The following ZBTB10 variants were observed in gnomAD, a reference collection of about 807,000 sequenced individuals.
ZBTB10 encodes the protein zinc finger and BTB domain-containing protein 10.
ZBTB10 carries 32 observed loss-of-function variants against 76.4 expected under a neutral mutation model. That is an observed-to-expected ratio of 0.42 (90% CI 0.32 to 0.56). ZBTB10 has a LOEUF of 0.56. Among genes scored for constraint, ZBTB10 ranks in the 20% least tolerant of loss-of-function variants. The pLI is 0.14. For synonymous variants in ZBTB10, 523 were observed against 432.9 expected, an observed-to-expected ratio of 1.21 and a Z score of -2.58; for missense variants, 1,057 against 1,098.5, an observed-to-expected ratio of 0.96 and a Z score of 0.53.
intron 3 of ZBTB10, 52 bp downstream of exon 3, chr8:80,514,060 C>A (rs1404057090): frequency 7.7e-7 from 1 of 1,302,040 alleles, no homozygotes; most frequent in Non-Finnish European, 1.1e-6. Context: ...GGAAGTGTTA[C>A]ATCTTACCTG....
At chr8:80,519,119 T>G in intron 5 of ZBTB10, 104 bp from the exon 6 acceptor site, 2 of 1,409,336 alleles carry the variant, frequency 1.4e-6, no homozygotes, top group Non-Finnish European at 1.9e-6. Context: ...ACAGAGAAAC[T>G]GGTGTATTCA....
In ZBTB10 at chr8:80,486,980, C is replaced by A. The variant is rs1164746874; in HGVS notation, c.170C>A (p.Pro57Gln). The change falls in exon 1 of 6, where the codon CCG becomes CAG. Residue 57 changes from proline to glutamine, a missense_variant. Pro to Gln is a moderately conservative substitution (Grantham distance 76). Transcript: ENST00000455036. ...CCGCCAGCGCCGCCCGCGCTTCAGC[C>A]GCCTAATGGGCGGGGGGCCGACGAG... ...PPPPAPPALQ[P>Q]PNGRGADEEV... 9 of 1,513,018 alleles carry A rather than the reference C, an allele frequency of 5.9e-6. No homozygotes were observed. The highest frequency in any genetic ancestry group is 7.9e-6 in the Non-Finnish European group (9 of 1,135,618). 93.7% of individuals were successfully genotyped at this position (1,513,018 alleles called of 1,614,324 possible). A position where few individuals can be genotyped will look rare whatever the true frequency, so the allele number is the denominator to read the frequency against.
At chr8:80,503,052 G>A (rs1272955877) in intron 2 of ZBTB10, among the ~76,000 whole-genome samples, 1 of 152,110 alleles carries the variant, frequency 6.6e-6, no homozygotes, top group East Asian at 1.9e-4. Flanking sequence ...GCTGAGATCA[G>A]CAAATATTAC....
At position 80,519,578 on chromosome 8, in the gene ZBTB10, C is replaced by G. The variant is rs201660957; in HGVS notation, c.*50C>G. On this transcript the variant is annotated 3_prime_UTR_variant, in exon 6 of 6. Coordinates refer to ENST00000455036, the MANE Select transcript of ZBTB10 (RefSeq NM_001105539.3). The stretch of plus-strand genomic sequence containing the variant: ...TGCTGCATTTGGACCTAATATGAAT[C>G]GACAATTTGGATTGTTGAACTTGAA... 36 of 1,508,546 alleles carry G rather than the reference C, an allele frequency of 2.4e-5. No homozygotes were observed. In the East Asian group the frequency reaches 8.0e-4, roughly 34 times the overall value. The allele number at this position is 1,508,546 out of a possible 1,614,324, so 93.4% of individuals were successfully genotyped here.
At chr8:80,518,608 G>T in intron 4 of ZBTB10, 29 bp downstream of exon 4, 4 of 1,524,950 alleles carry the variant, frequency 2.6e-6, no homozygotes, top group Non-Finnish European at 3.5e-6. Flanking sequence ...AACAAATACA[G>T]AATTAATTAA....
chr8:80,490,914 T>C (rs763036078), intron 1 of ZBTB10, among the ~76,000 whole-genome samples: 7 of 152,184 alleles, frequency 4.6e-5, no homozygotes, highest in Non-Finnish European at 1.0e-4. Flanking sequence ...TATCGCCTGG[T>C]GATAGCGTAA....
At chr8:80,512,297 A>G (rs1816214167) in intron 2 of ZBTB10, among the ~76,000 whole-genome samples, 1 of 152,226 alleles carries the variant, frequency 6.6e-6, no homozygotes, top group African/African-American at 2.4e-5. Context: ...TTAAGTACCC[A>G]GACCCGTGCT....
intron 3 of ZBTB10, among the ~76,000 whole-genome samples, chr8:80,517,078 A>G (rs1449246724): frequency 5.9e-5 from 9 of 152,206 alleles, no homozygotes; most frequent in Admixed American, 3.9e-4. Flanking sequence ...GTTGGAAGCC[A>G]GGGCTCCACC....
Position 80,520,283 on chromosome 8 carries a change from AAATGATT to A in ZBTB10, c.*757_*763del, listed in dbSNP as rs1262445952. The stretch of plus-strand genomic sequence containing the variant: ...GTGGCGAAGTTGACAAATACCACTA[AAATGATT>A]ATGATTTAGAAGTAACTTTCTTCTG... On this transcript the variant is annotated 3_prime_UTR_variant, in exon 6 of 6. Coordinates refer to ENST00000455036, the MANE Select transcript of ZBTB10 (RefSeq NM_001105539.3). 4 of 152,506 alleles carry A rather than the reference AAATGATT, an allele frequency of 2.6e-5. No homozygotes were observed. The highest frequency in any genetic ancestry group is 9.7e-5 in the African/African-American group (4 of 41,440). 9.4% of individuals were successfully genotyped at this position (152,506 alleles called of 1,614,324 possible). A position where few individuals can be genotyped will look rare whatever the true frequency, so the allele number is the denominator to read the frequency against.
rs748451601 is a variant in ZBTB10 at position 80,499,744 on chromosome 8, A to G, written c.1223A>G (p.His408Arg). The change falls in exon 2 of 6, where the codon CAC (histidine) becomes CGC (arginine). Residue 408 changes from histidine (H) to arginine (R), a missense_variant. This residue lies in a region of ZBTB10 where 86 missense variants were observed against 145.7 expected (regional missense o/e 0.59). Transcript: ENST00000455036. ...AGCCCTAACCAAAACAATACTACCC[A>G]CTTAGATATTGCTGCAGTTCAAGGT... ...KESPNQNNTT[H>R]LDIAAVQGFS... is the part of the protein sequence containing the mutation. 2.5e-6 allele frequency: 4 copies of G among 1,613,820 alleles called. No individual in the cohort carries two copies. Among genetic ancestry groups the G allele is most frequent in the Non-Finnish European group, 3.4e-6 (4 of 1,179,874 alleles).
At chr8:80,508,098 C>T (rs1427485978) in intron 2 of ZBTB10, among the ~76,000 whole-genome samples, 2 of 152,142 alleles carry the variant, frequency 1.3e-5, no homozygotes, top group Non-Finnish European at 2.9e-5. Flanking sequence ...CAAGAAGTGG[C>T]TACACTGTTG....
chr8:80,486,786 G>A lies in ZBTB10; in HGVS notation c.-25G>A. ...AGGCCGTGCGCGAGCCGGGGCACCG[G>A]GCGGCGGCGGCGGCGGCGCGCGCCA... On this transcript the variant is annotated 5_prime_UTR_variant, in exon 1 of 6. Transcript: ENST00000455036. 2 of 1,316,568 alleles carry A rather than the reference G, an allele frequency of 1.5e-6. No individual in the cohort carries two copies. The highest frequency in any genetic ancestry group is 9.7e-7 in the Non-Finnish European group (1 of 1,033,274). 81.6% of individuals were successfully genotyped at this position (1,316,568 alleles called of 1,614,324 possible).
intron 2 of ZBTB10, 101 bp from the exon 3 acceptor site, chr8:80,513,809 A>G (rs183168309): frequency 2.2e-6 from 2 of 890,596 alleles, no homozygotes; most frequent in African/African-American, 1.7e-5. Flanking sequence ...TTACTTACAG[A>G]TGGTACTTTT....
At chr8:80,505,939 TAAGTA>T in intron 2 of ZBTB10, among the ~76,000 whole-genome samples, 1 of 140,516 alleles carries the variant, frequency 7.1e-6, no homozygotes, top group Non-Finnish European at 1.5e-5. Context: ...TTTTTTTTTT[TAAGTA>T]AAGGTGAAGT....
At position 80,486,754 on chromosome 8, in the gene ZBTB10, C is replaced by T. The variant is rs1375761271; in HGVS notation, c.-57C>T. 6 of 1,089,532 alleles carry T rather than the reference C, an allele frequency of 5.5e-6. No homozygotes were observed. Among genetic ancestry groups the T allele is most frequent in the Non-Finnish European group, 6.7e-6 (6 of 896,984 alleles). 67.5% of individuals were successfully genotyped at this position (1,089,532 alleles called of 1,614,324 possible). A position where few individuals can be genotyped will look rare whatever the true frequency, so the allele number is the denominator to read the frequency against. Reference sequence around the variant, plus strand: ...GGAGCCGCGGGGAGCGCGCGGGACGCGGCCCGAGGCCGTGCGCGAGCCGGG... The same window carrying T: ...GGAGCCGCGGGGAGCGCGCGGGACGTGGCCCGAGGCCGTGCGCGAGCCGGG... On this transcript the variant is annotated 5_prime_UTR_variant, in exon 1 of 6. Transcript: ENST00000455036.
chr8:80,492,280 T>C (rs1815651179), intron 1 of ZBTB10, among the ~76,000 whole-genome samples: 2 of 152,222 alleles, frequency 1.3e-5, no homozygotes, highest in South Asian at 4.1e-4. Context: ...TATACCTTAT[T>C]GTGTACCTAG....
chr8:80,499,766 A>G lies in ZBTB10; in HGVS notation c.1245A>G (p.Gln415=). 2 of 1,614,004 alleles carry G rather than the reference A, an allele frequency of 1.2e-6. No homozygotes were observed. Among genetic ancestry groups the G allele is most frequent in the South Asian group, 1.1e-5 (1 of 91,078 alleles). The change falls in exon 2 of 6, where the codon CAA becomes CAG. Residue 415 remains glutamine (Q), a synonymous_variant. Transcript: ENST00000455036. ...CCCACTTAGATATTGCTGCAGTTCA[A>G]GGTTTTTCAGTCATCTTGGACTTCT... is the stretch of plus-strand genomic sequence containing the variant. ...NTTHLDIAAV[Q]GFSVILDFLY...
At chr8:80,496,192 G>A (rs1043840193) in intron 1 of ZBTB10, among the ~76,000 whole-genome samples, 1 of 152,076 alleles carries the variant, frequency 6.6e-6, no homozygotes, top group African/African-American at 2.4e-5. Flanking sequence ...TTTTGTCTCT[G>A]GCACTAAGAA....
intron 1 of ZBTB10, among the ~76,000 whole-genome samples, chr8:80,494,973 C>G (rs1815743970): frequency 6.6e-6 from 1 of 151,250 alleles, no homozygotes; most frequent in Admixed American, 6.6e-5. Context: ...ATCACAGTAT[C>G]TGCAGTCTTC....
Sources: allele counts gnomAD v4.1 joint callset (sites outside exome capture counted in the v4.1 genomes callset), GRCh38; gene constraint gnomAD v4.1.1; regional missense constraint gnomAD v4.1.1; transcripts MANE v1.5; gene names NCBI Gene and HGNC (gene_info 2026-07-23, HGNC 2026-07-21).